The following RARS2 variants were observed in gnomAD, a reference collection of about 807,000 sequenced individuals.
RARS2 encodes probable arginine--tRNA ligase, mitochondrial.
A neutral mutation model predicts 88.5 loss-of-function variants in RARS2; 67 were observed. The ratio of observed to expected loss-of-function variants is 0.76; its 90% CI spans 0.62 to 0.93. The LOEUF is 0.93. RARS2 is among the 40% of genes least tolerant of loss of function. The probability of loss-of-function intolerance (pLI) is 0.00; values close to 1 mark genes in which losing one functional copy is unlikely to be tolerated. For missense variants in RARS2, 664 were observed against 684.2 expected, an observed-to-expected ratio of 0.97 and a Z score of 0.33; for synonymous variants, 239 against 230.3, an observed-to-expected ratio of 1.04 and a Z score of -0.34.
intron 10 of RARS2, 33 bp downstream of exon 10, chr6:87,529,509 T>C (rs372378738): frequency 3.8e-6 from 5 of 1,311,928 alleles, no homozygotes; most frequent in Non-Finnish European, 5.5e-6. Flanking sequence ...AAAGAACAAA[T>C]AATTTTACTG....
At chr6:87,544,383 T>C (rs1484210893) in intron 7 of RARS2, among the ~76,000 whole-genome samples, 2 of 152,242 alleles carry the variant, frequency 1.3e-5, no homozygotes, top group Non-Finnish European at 2.9e-5. Flanking sequence ...TGACAAGCAC[T>C]GTAGATATAA....
intron 6 of RARS2, 41 bp from the exon 7 acceptor site, chr6:87,545,740 C>T: frequency 6.3e-7 from 1 of 1,599,396 alleles, no homozygotes; most frequent in East Asian, 2.2e-5. Context: ...TTCTTGTTAT[C>T]CATTTTTTGA....
At position 87,529,592 on chromosome 6, in the gene RARS2, A is replaced by G. The variant is rs1373840256; in HGVS notation, c.828T>C (p.Ser276=). 1.2e-6 allele frequency: 2 copies of G among 1,610,050 alleles called. No individual in the cohort carries two copies. Among genetic ancestry groups the G allele is most frequent in the African/African-American group, 2.7e-5 (2 of 74,842 alleles). Residue 276 remains serine (S), a synonymous_variant, in exon 10 of 20, where the codon TCT becomes TCC. Coordinates refer to ENST00000369536, the MANE Select transcript of RARS2 (RefSeq NM_020320.5). ...YSGESFYREK[S]QEVLKLLESK... ...TCTCCAGCAACTTTAAGACCTCTTG[A>G]GATTTTTCACGATAAAATGATTCTC...
Position 87,515,689 on chromosome 6 carries a change from C to T in RARS2, c.1587-669G>A, listed in dbSNP as rs117100327. 3.1e-3 allele frequency: 467 copies of T among 152,310 alleles called. 2 individuals are homozygous for T. The highest frequency in any genetic ancestry group is 5.4e-3 in the Non-Finnish European group (366 of 68,134). The allele number at this position is 152,310 out of a possible 1,614,324, so 9.4% of individuals were successfully genotyped here. On this transcript the variant is annotated intron_variant, in intron 18 of 19. Transcript: ENST00000369536. ...ACTATCCACTCTCCACACACACTGG[C>T]CACTCTTTAAAGTATCTTTTTAAAT... is the stretch of plus-strand genomic sequence containing the variant.
At chr6:87,568,656 T>C (rs1582767459) in intron 2 of RARS2, among the ~76,000 whole-genome samples, 1 of 152,210 alleles carries the variant, frequency 6.6e-6, no homozygotes, top group Non-Finnish European at 1.5e-5. Flanking sequence ...AGAAAGTCAA[T>C]ATAAAAAGCC....
intron 1 of RARS2, among the ~76,000 whole-genome samples, chr6:87,585,664 G>A (rs867622807): frequency 3.3e-5 from 5 of 152,056 alleles, no homozygotes; most frequent in East Asian, 1.9e-4. Context: ...CCCAGGAGGC[G>A]GAGCTTGCAG....
chr6:87,589,839 A>T, intron 1 of RARS2, 83 bp downstream of exon 1: 1 of 1,613,752 alleles, frequency 6.2e-7, no homozygotes, highest in Non-Finnish European at 8.5e-7. Context: ...CCTCCAGCTG[A>T]CTGAGGACTG....
intron 4 of RARS2, among the ~76,000 whole-genome samples, chr6:87,555,757 C>T (rs1785673484): frequency 6.6e-6 from 1 of 151,988 alleles, no homozygotes; most frequent in Non-Finnish European, 1.5e-5. Flanking sequence ...TTACAGTAAC[C>T]AGTTATGTAG....
chr6:87,569,195 A>C (rs1284271186), intron 2 of RARS2, among the ~76,000 whole-genome samples: 3 of 152,116 alleles, frequency 2.0e-5, no homozygotes, highest in Non-Finnish European at 4.4e-5. Flanking sequence ...TTCTAACCAC[A>C]ATTTTAGTTA....
chr6:87,570,168 T>C (rs1316186221), intron 1 of RARS2, among the ~76,000 whole-genome samples: 2 of 152,198 alleles, frequency 1.3e-5, no homozygotes, highest in Non-Finnish European at 2.9e-5. Context: ...GTGGATGTGT[T>C]ATATACATAT....
At chr6:87,554,156 A>C (rs916775402) in intron 5 of RARS2, among the ~76,000 whole-genome samples, 8 of 152,246 alleles carry the variant, frequency 5.3e-5, no homozygotes, top group Admixed American at 2.0e-4. Context: ...CTATCTTTCT[A>C]AGTAGAAAAA....
At chr6:87,572,085 C>T (rs1185906286) in intron 1 of RARS2, among the ~76,000 whole-genome samples, 6 of 112,732 alleles carry the variant, frequency 5.3e-5, no homozygotes, top group South Asian at 3.4e-4. Flanking sequence ...AAGGTTCTAT[C>T]GTAATTTCTC....
At position 87,524,557 on chromosome 6, in the gene RARS2, C is replaced by T. The variant is rs1775042037; in HGVS notation, c.974G>A (p.Arg325Lys). 4 of 1,603,376 alleles carry T rather than the reference C, an allele frequency of 2.5e-6. No homozygotes were observed. Among genetic ancestry groups the T allele is most frequent in the Non-Finnish European group, 3.4e-6 (4 of 1,170,366 alleles). Residue 325 changes from arginine (R) to lysine (K), a missense_variant and splice_region_variant, in exon 11 of 20, where the codon AGA becomes AAA. Transcript: ENST00000369536. ...RSDGTSLYAT[R>K]DLAAAIDRMD... ...GTTGACCCTCACAGAGGCTACAAAC[C>T]TGGTTGCATAGAGAGAAGTCCCATC...
chr6:87,570,230 T>G (rs1382398108), intron 1 of RARS2, among the ~76,000 whole-genome samples: 1 of 152,098 alleles, frequency 6.6e-6, no homozygotes, highest in African/African-American at 2.4e-5. Flanking sequence ...GGTCTTGAAC[T>G]CCTGGCCTCA....
At chr6:87,545,242 T>A (rs1284838949) in intron 7 of RARS2, among the ~76,000 whole-genome samples, 1 of 152,106 alleles carries the variant, frequency 6.6e-6, no homozygotes, top group Admixed American at 6.5e-5. Context: ...TGCCACCATG[T>A]CTAGCTAATT....
At chr6:87,570,482 G>A (rs1454038121) in intron 1 of RARS2, among the ~76,000 whole-genome samples, 8 of 152,122 alleles carry the variant, frequency 5.3e-5, no homozygotes, top group African/African-American at 1.2e-4. Context: ...ACAGTGACGT[G>A]ATCTCGGCTC....
rs1788232457 is a variant in RARS2 at position 87,562,783 on chromosome 6, T to C, written c.216A>G (p.Leu72=). Residue 72 remains leucine, a splice_region_variant and synonymous_variant, in exon 4 of 20, where the codon CTA becomes CTG. Coordinates refer to ENST00000369536, the MANE Select transcript of RARS2 (RefSeq NM_020320.5). The stretch of plus-strand genomic sequence containing the variant: ...TTTCACTCACCACTGTATCACATCT[T>C]AGCTGAAAAGAACAAATCACACAAA... ...QVQAKRLAEK[L]RCDTVVSEIS... 3 of 1,612,006 alleles carry C rather than the reference T, an allele frequency of 1.9e-6. No homozygotes were observed. The highest frequency in any genetic ancestry group is 2.5e-6 in the Non-Finnish European group (3 of 1,178,102).
chr6:87,533,064 T>C (rs555978993), intron 8 of RARS2, among the ~76,000 whole-genome samples: 20 of 152,290 alleles, frequency 1.3e-4, no homozygotes, highest in African/African-American at 3.1e-4. Flanking sequence ...AGCAAACACA[T>C]GCAAAATGTC....
chr6:87,564,583 C>A, intron 2 of RARS2: 1 of 372,570 alleles, frequency 2.7e-6, no homozygotes, highest in South Asian at 2.2e-5. Flanking sequence ...GCAGGGGAAT[C>A]GCTTGAATCC....
Sources: gnomAD v4.1 joint callset for allele counts (sites outside exome capture counted in the v4.1 genomes callset) on GRCh38, gnomAD v4.1.1 for gene constraint, MANE v1.5 for transcripts, NCBI Gene and HGNC (gene_info 2026-07-23, HGNC 2026-07-21) for gene names.